The following DUSP22 variants were observed in gnomAD, a reference collection of about 807,000 sequenced individuals.
DUSP22 encodes the protein dual specificity protein phosphatase 22.
Under a neutral mutation model 24.5 loss-of-function variants are expected in DUSP22, and 24 were observed. That is an observed-to-expected ratio of 0.98 (90% confidence interval 0.71 to 1.38). The LOEUF (loss-of-function observed/expected upper bound fraction) is 1.38. Among genes scored for constraint, DUSP22 ranks in the 40% most tolerant of loss-of-function variants. DUSP22 has a pLI of 0.00. For synonymous variants in DUSP22, 160 were observed against 106.4 expected (o/e 1.50, Z -3.10); for missense variants, 330 against 269.2 (o/e 1.23, Z -1.58).
intron 1 of DUSP22, among the ~76,000 whole-genome samples, chr6:300,810 GC>G (rs1561647066): frequency 6.6e-6 from 1 of 152,310 alleles, no homozygotes; most frequent in Non-Finnish European, 1.5e-5. Flanking sequence ...GTAAGCAACA[GC>G]ATCCAAATGT....
At chr6:321,482 C>T (rs575626458) in intron 3 of DUSP22, among the ~76,000 whole-genome samples, 14 of 152,416 alleles carry the variant, frequency 9.2e-5, no homozygotes, top group African/African-American at 3.1e-4. Flanking sequence ...AAGTAATCCT[C>T]GTTAGAAGTG....
chr6:309,714 ACACATACT>A (rs1168778813), intron 2 of DUSP22, among the ~76,000 whole-genome samples: 1 of 8,552 alleles, frequency 1.2e-4, no homozygotes, highest in Non-Finnish European at 3.1e-4. Context: ...ACACACACAC[ACACATACT>A]ATAAAGAAGG....
intron 3 of DUSP22, chr6:325,585 C>T: frequency 5.9e-6 from 1 of 170,674 alleles, no homozygotes; most frequent in Non-Finnish European, 1.1e-5. Context: ...CTGCCCTGGG[C>T]TTCTGCATCC....
intron 3 of DUSP22, among the ~76,000 whole-genome samples, chr6:331,934 C>T (rs563032629): frequency 1.2e-4 from 19 of 152,412 alleles, no homozygotes; most frequent in African/African-American, 3.6e-4. Flanking sequence ...CCAGGAGGGA[C>T]GCTGGTGTCC....
chr6:348,099 G>A lies in DUSP22; in HGVS notation c.264-4G>A, dbSNP rs774984934. On this transcript the variant is annotated splice_region_variant and splice_polypyrimidine_tract_variant and intron_variant, in intron 5 of 6. Transcript: ENST00000419235. Reference sequence around the variant, plus strand: ...TCACACATGTGCTTCTCTTGGCCCCGCAGCCTGGCCGGGGTCTCCAGGAGC... The same window carrying A: ...TCACACATGTGCTTCTCTTGGCCCCACAGCCTGGCCGGGGTCTCCAGGAGC... 52 of 1,613,914 alleles carry A rather than the reference G, an allele frequency of 3.2e-5. No individual in the cohort carries two copies. The highest frequency in any genetic ancestry group is 6.7e-5 in the East Asian group (3 of 44,896).
At chr6:340,749 T>C (rs1759571354) in intron 4 of DUSP22, among the ~76,000 whole-genome samples, 1 of 152,304 alleles carries the variant, frequency 6.6e-6, no homozygotes, top group African/African-American at 2.4e-5. Flanking sequence ...TAGGGCCAGC[T>C]GCCATTCAAG....
intron 5 of DUSP22, among the ~76,000 whole-genome samples, chr6:347,447 C>G (rs1759936099): frequency 6.6e-6 from 1 of 152,308 alleles, no homozygotes; most frequent in Non-Finnish European, 1.5e-5. Context: ...CATTCTGTGA[C>G]CGCCTTCATT....
chr6:292,642 C>T (rs1314389993), intron 1 of DUSP22, 82 bp downstream of exon 1: 8 of 1,531,684 alleles, frequency 5.2e-6, no homozygotes, highest in Middle Eastern at 1.7e-4. Context: ...CCCGACGACT[C>T]GAGCCCGGGG....
At chr6:292,949 C>A (rs561963630) in intron 1 of DUSP22, among the ~76,000 whole-genome samples, 2 of 152,286 alleles carry the variant, frequency 1.3e-5, no homozygotes, top group Non-Finnish European at 2.9e-5. Context: ...CCGCCCCCCC[C>A]ACATCATTAG....
chr6:344,347 A>G (rs1003720780), intron 4 of DUSP22, among the ~76,000 whole-genome samples: 6 of 152,302 alleles, frequency 3.9e-5, no homozygotes, highest in Non-Finnish European at 8.8e-5. Flanking sequence ...GTGCGGTGGC[A>G]TGATCTCGGC....
intron 6 of DUSP22, 108 bp from the exon 7 acceptor site, chr6:348,661 C>T: frequency 2.0e-6 from 3 of 1,533,242 alleles, no homozygotes; most frequent in Non-Finnish European, 2.7e-6. Flanking sequence ...GTTTGTTTCC[C>T]TGGTTATGTG....
chr6:322,480 C>T (rs572335679), intron 3 of DUSP22, among the ~76,000 whole-genome samples: 1 of 152,422 alleles, frequency 6.6e-6, no homozygotes, highest in African/African-American at 2.4e-5. Flanking sequence ...GATTTTGCAG[C>T]TTCTCATTCA....
chr6:320,923 G>A (rs2127403696), intron 3 of DUSP22, among the ~76,000 whole-genome samples: 1 of 152,424 alleles, frequency 6.6e-6, no homozygotes, highest in East Asian at 1.9e-4. Context: ...AGCAGGGATT[G>A]GGGATAAAAT....
rs1422694360 is a variant in DUSP22 at position 349,208 on chromosome 6, C to T, written c.*257C>T. ...GGCTGTGCACTGCTCTGTGCACGTGCGTGTGTGTGAGTGCACTTGTGTGTG... is the reference window on the plus strand; with the variant it reads ...GGCTGTGCACTGCTCTGTGCACGTGTGTGTGTGTGAGTGCACTTGTGTGTG... On this transcript the variant is annotated 3_prime_UTR_variant, in exon 7 of 7. Transcript: ENST00000419235. The T allele has an allele frequency of 2.0e-5, 28 of 1,397,196 alleles. No homozygotes were observed. Among genetic ancestry groups the T allele is most frequent in the South Asian group, 6.3e-5 (4 of 63,858 alleles). The allele number at this position is 1,397,196 out of a possible 1,614,324, so 86.5% of individuals were successfully genotyped here.
At chr6:305,823 C>T (rs566621740) in intron 2 of DUSP22, among the ~76,000 whole-genome samples, 71 of 152,408 alleles carry the variant, frequency 4.7e-4, no homozygotes, top group South Asian at 3.7e-3. Context: ...TCATAGGCAG[C>T]TAATGCTCCT....
intron 1 of DUSP22, among the ~76,000 whole-genome samples, chr6:297,493 C>T (rs554153968): frequency 2.1e-3 from 319 of 152,294 alleles, no homozygotes; most frequent in East Asian, 0.01. Flanking sequence ...TGTTCCTCAA[C>T]GGCTACACCT....
intron 4 of DUSP22, among the ~76,000 whole-genome samples, chr6:339,769 A>G (rs1759519383): frequency 6.6e-6 from 1 of 150,622 alleles, no homozygotes; most frequent in African/African-American, 2.5e-5. Context: ...CTATCTCCCT[A>G]TCTTTTTGTC....
intron 3 of DUSP22, among the ~76,000 whole-genome samples, chr6:312,216 A>G (rs940902942): frequency 2.0e-5 from 3 of 152,304 alleles, no homozygotes; most frequent in Non-Finnish European, 2.9e-5. Flanking sequence ...CCTAGGAATA[A>G]GCTGAGGCTG....
At chr6:304,852 A>G (rs1443186682) in intron 2 of DUSP22, among the ~76,000 whole-genome samples, 191 bp downstream of exon 2, 10 of 152,262 alleles carry the variant, frequency 6.6e-5, no homozygotes, top group Admixed American at 6.5e-4. Flanking sequence ...CCAACTCCCC[A>G]TTCCTCTCCT....
Sources: gnomAD v4.1 joint callset for allele counts (sites outside exome capture counted in the v4.1 genomes callset) on GRCh38, gnomAD v4.1.1 for gene constraint, MANE v1.5 for transcripts, NCBI Gene and HGNC (gene_info 2026-07-23, HGNC 2026-07-21) for gene names.